The following SEPTIN11 variants were observed in gnomAD, a reference collection of about 807,000 sequenced individuals.
SEPTIN11 encodes septin-11.
Under a neutral mutation model 51.4 loss-of-function variants are expected in SEPTIN11, and 25 were observed. The observed-to-expected ratio is 0.49, with a 90% CI of 0.35 to 0.68. SEPTIN11 has a LOEUF of 0.68. SEPTIN11 is among the 30% of genes least tolerant of loss of function. SEPTIN11 has a pLI of 0.00. For synonymous variants in SEPTIN11, 174 were observed against 184.1 expected, an observed-to-expected ratio of 0.95 and a Z score of 0.44; for missense variants, 381 against 520.8, an observed-to-expected ratio of 0.73 and a Z score of 2.61.
At chr4:76,955,800 G>A (rs1721535191) in intron 1 of SEPTIN11, among the ~76,000 whole-genome samples, 1 of 152,134 alleles carries the variant, frequency 6.6e-6, no homozygotes, top group Non-Finnish European at 1.5e-5. Flanking sequence ...GACAACATAT[G>A]ACAACGACAA....
intron 2 of SEPTIN11, among the ~76,000 whole-genome samples, chr4:77,000,863 T>G (rs1011992411): frequency 1.3e-5 from 2 of 152,128 alleles, no homozygotes; most frequent in Admixed American, 1.3e-4. Flanking sequence ...GCAACTTAGG[T>G]ATGTAGCTTT....
intron 2 of SEPTIN11, among the ~76,000 whole-genome samples, chr4:77,003,496 ATATAG>A (rs754706702): frequency 9.9e-5 from 15 of 152,240 alleles, no homozygotes; most frequent in Non-Finnish European, 2.1e-4. Flanking sequence ...CAGAACTTGT[ATATAG>A]TAGGCACTGG....
In SEPTIN11 at chr4:76,996,543, A is replaced by AATCCAC; in HGVS notation, c.142+4_142+5insATCCAC. On this transcript the variant is annotated splice_donor_region_variant and intron_variant, in intron 2 of 9. Coordinates refer to ENST00000264893, the MANE Select transcript of SEPTIN11 (RefSeq NM_018243.4). ...TGTTTCAACATCCTTTGTGTTGGTA[A>AATCCAC]GTTATTCATCACCCCACAGCAAGAA... is the stretch of plus-strand genomic sequence containing the variant. 6.2e-7 allele frequency: 1 copy of AATCCAC among 1,600,106 alleles called. No homozygotes were observed. Among genetic ancestry groups the AATCCAC allele is most frequent in the Non-Finnish European group, 8.6e-7 (1 of 1,167,220 alleles).
rs114097253 is a variant in SEPTIN11, at chr4:76,952,256, T to C, written c.27+2326T>C. Among the ~76,000 whole-genome samples, 578 of 152,298 alleles carry C rather than the reference T, an allele frequency of 3.8e-3. 4 individuals carry two copies. The highest frequency in any genetic ancestry group is 0.013 in the African/African-American group (540 of 41,546). On this transcript the variant is annotated intron_variant, in intron 1 of 9. Coordinates refer to ENST00000264893, the MANE Select transcript of SEPTIN11 (RefSeq NM_018243.4). ...AGTTCTCTGGCCCTCCCATTTCTTATCTAGTCTGTGATTTCACCAAAAGAA... is the reference window on the plus strand; with the variant it reads ...AGTTCTCTGGCCCTCCCATTTCTTACCTAGTCTGTGATTTCACCAAAAGAA...
At chr4:77,023,479 T>C (rs1380351990) in intron 7 of SEPTIN11, among the ~76,000 whole-genome samples, 5 of 151,458 alleles carry the variant, frequency 3.3e-5, no homozygotes, top group South Asian at 4.2e-4. Context: ...CTTCTAAAAA[T>C]AAATACCTTC....
At chr4:76,960,259 C>T (rs1444826255) in intron 1 of SEPTIN11, among the ~76,000 whole-genome samples, 1 of 152,186 alleles carries the variant, frequency 6.6e-6, no homozygotes, top group African/African-American at 2.4e-5. Context: ...GATTGTTTGT[C>T]ACATGCCTCT....
intron 7 of SEPTIN11, among the ~76,000 whole-genome samples, chr4:77,026,471 T>A (rs541374886): frequency 1.3e-5 from 2 of 152,294 alleles, no homozygotes; most frequent in African/African-American, 4.8e-5. Context: ...AACTTCGGAC[T>A]CTGTATTTAG....
intron 1 of SEPTIN11, among the ~76,000 whole-genome samples, chr4:76,974,257 C>T (rs955691937): frequency 7.9e-5 from 12 of 152,152 alleles, no homozygotes; most frequent in Admixed American, 5.9e-4. Context: ...TCCTGTTGTC[C>T]TCTTTCTTTC....
chr4:77,028,896 C>A, intron 8 of SEPTIN11, 135 bp downstream of exon 8: 3 of 875,130 alleles, frequency 3.4e-6, no homozygotes, highest in Non-Finnish European at 5.1e-6. Context: ...GCCAACCTGG[C>A]CAGGAAAATG....
chr4:76,960,594 C>G (rs1721788080), intron 1 of SEPTIN11, among the ~76,000 whole-genome samples: 1 of 152,156 alleles, frequency 6.6e-6, no homozygotes, highest in Non-Finnish European at 1.5e-5. Flanking sequence ...GTGATGAAGA[C>G]TCTCATTGAC....
At chr4:76,961,678 T>C (rs1721829904) in intron 1 of SEPTIN11, among the ~76,000 whole-genome samples, 1 of 152,206 alleles carries the variant, frequency 6.6e-6, no homozygotes, top group Non-Finnish European at 1.5e-5. Flanking sequence ...CTATCTCAGG[T>C]AATTTACCAA....
At chr4:76,996,302 T>G in intron 1 of SEPTIN11, 123 bp from the exon 2 acceptor site, 1 of 735,884 alleles carries the variant, frequency 1.4e-6, no homozygotes, top group Non-Finnish European at 2.3e-6. Flanking sequence ...AAGGCAGCTG[T>G]GGAGGGTCTC....
At chr4:76,952,110 T>A (rs1443327978) in intron 1 of SEPTIN11, among the ~76,000 whole-genome samples, 1 of 152,252 alleles carries the variant, frequency 6.6e-6, no homozygotes, top group Non-Finnish European at 1.5e-5. Flanking sequence ...TTTCACTTTG[T>A]TCATTGGGCT....
At position 76,959,728 on chromosome 4, in the gene SEPTIN11, G is replaced by A. The variant is rs189746855; in HGVS notation, c.27+9798G>A. On this transcript the variant is annotated intron_variant, in intron 1 of 9. Coordinates refer to ENST00000264893, the MANE Select transcript of SEPTIN11 (RefSeq NM_018243.4). Reference sequence around the variant, plus strand: ...ATAATCAAAGTTTTGGGCTTATATTGTCTGCATAAATTGGAAAAATGGGGT... The same window carrying A: ...ATAATCAAAGTTTTGGGCTTATATTATCTGCATAAATTGGAAAAATGGGGT... Among the ~76,000 whole-genome samples, 11 of 152,234 alleles carry A rather than the reference G, an allele frequency of 7.2e-5. No homozygotes were observed. The East Asian group carries it at 1.9e-3, about 27-fold the overall frequency.
intron 2 of SEPTIN11, among the ~76,000 whole-genome samples, chr4:77,001,132 T>C (rs1297106055): frequency 2.0e-5 from 3 of 152,194 alleles, no homozygotes; most frequent in African/African-American, 4.8e-5. Flanking sequence ...TAGGACTGCT[T>C]TCCCCTGTGA....
chr4:76,988,581 T>C (rs556503548), intron 1 of SEPTIN11, among the ~76,000 whole-genome samples: 1 of 152,230 alleles, frequency 6.6e-6, no homozygotes, highest in African/African-American at 2.4e-5. Flanking sequence ...CAATCCTGGC[T>C]CATTGCAGCC....
At chr4:77,007,111 GA>G (rs1238296984) in intron 3 of SEPTIN11, among the ~76,000 whole-genome samples, 1 of 152,214 alleles carries the variant, frequency 6.6e-6, no homozygotes, top group East Asian at 1.9e-4. Flanking sequence ...CAATGACAGG[GA>G]ATGATGGAGA....
intron 1 of SEPTIN11, among the ~76,000 whole-genome samples, chr4:76,979,700 A>G (rs1402020067): frequency 6.6e-6 from 1 of 152,144 alleles, no homozygotes; most frequent in Non-Finnish European, 1.5e-5. Flanking sequence ...CCTGGCCAAC[A>G]TGATGAAACC....
rs910827662 is a variant in SEPTIN11 at position 77,024,369 on chromosome 4, C to T, written c.953+3699C>T. ...TGCATGCCCGGCTGCTGCCCTGAAGCCTTGAAACTCATGCGTCTACCACCC... is the reference window on the plus strand; with the variant it reads ...TGCATGCCCGGCTGCTGCCCTGAAGTCTTGAAACTCATGCGTCTACCACCC... On this transcript the variant is annotated intron_variant, in intron 7 of 9. Transcript: ENST00000264893. The surrounding 1 kb of genome is among the most constrained non-coding windows in gnomAD (Gnocchi z 4.2). 2.0e-5 allele frequency among the ~76,000 whole-genome samples: 3 copies of T among 152,116 alleles called. No homozygotes were observed. The highest frequency in any genetic ancestry group is 7.2e-5 in the African/African-American group (3 of 41,412).
Sources: allele counts gnomAD v4.1 joint callset (sites outside exome capture counted in the v4.1 genomes callset), GRCh38; gene constraint gnomAD v4.1.1; non-coding constraint Gnocchi (gnomAD v3.1); transcripts MANE v1.5; gene names NCBI Gene and HGNC (gene_info 2026-07-23, HGNC 2026-07-21).